The following SP100 variants were observed in gnomAD, a reference collection of about 807,000 sequenced individuals.
SP100 encodes nuclear autoantigen Sp-100.
Under a neutral mutation model 130.0 loss-of-function variants are expected in SP100, and 84 were observed. The observed-to-expected ratio is 0.65, with a 90% CI of 0.54 to 0.77. SP100 has a LOEUF of 0.77. Ranked by LOEUF, SP100 falls within the 30% of genes least tolerant of loss-of-function variation. The probability of loss-of-function intolerance (pLI) is 0.00; values close to 1 mark genes in which losing one functional copy is unlikely to be tolerated. For missense variants in SP100, 978 were observed against 1,052.2 expected, an observed-to-expected ratio of 0.93 and a Z score of 0.97; for synonymous variants, 331 against 351.7, an observed-to-expected ratio of 0.94 and a Z score of 0.66.
intron 2 of SP100, among the ~76,000 whole-genome samples, chr2:230,421,263 T>C (rs983399790): frequency 3.3e-5 from 5 of 152,162 alleles, no homozygotes; most frequent in African/African-American, 1.2e-4. Context: ...GTGAGGCACA[T>C]TGGGTAATTT....
At chr2:230,476,991 G>A (rs553959313) in intron 17 of SP100, among the ~76,000 whole-genome samples, 6 of 151,922 alleles carry the variant, frequency 3.9e-5, no homozygotes, top group East Asian at 1.9e-4. Flanking sequence ...TCAGCCTCCC[G>A]AGTAGCTAGG....
chr2:230,475,971 G>A (rs942041360), intron 17 of SP100, among the ~76,000 whole-genome samples: 5 of 152,204 alleles, frequency 3.3e-5, no homozygotes, highest in African/African-American at 9.6e-5. Flanking sequence ...TGGGCAACGC[G>A]ATGCCTCTAG....
chr2:230,529,788 GACAA>G (rs1184700890), intron 24 of SP100, among the ~76,000 whole-genome samples: 5 of 152,130 alleles, frequency 3.3e-5, no homozygotes, highest in African/African-American at 1.2e-4. Flanking sequence ...ACTAATAACA[GACAA>G]ACAGAGAGCC....
At chr2:230,497,123 A>G (rs2066715231) in intron 18 of SP100, among the ~76,000 whole-genome samples, 1 of 152,164 alleles carries the variant, frequency 6.6e-6, no homozygotes, top group Non-Finnish European at 1.5e-5. Context: ...GACAATTTGC[A>G]AAGAATAATT....
chr2:230,435,859 G>A lies in SP100; in HGVS notation c.108-7078G>A, dbSNP rs139470015. 1.8e-3 allele frequency among the ~76,000 whole-genome samples: 277 copies of A among 151,632 alleles called. 1 individual carries two copies. The highest frequency in any genetic ancestry group is 6.0e-3 in the African/African-American group (247 of 41,230). ...CAAAAACATGGAATCAACCTAAATC[G>A]CCATCAATTATAGACTAGAGAAAGA... is the stretch of plus-strand genomic sequence containing the variant. On this transcript the variant is annotated intron_variant, in intron 2 of 28. Transcript: ENST00000340126.
At chr2:230,507,945 A>G in intron 22 of SP100, 48 bp from the exon 23 acceptor site, 1 of 1,577,922 alleles carries the variant, frequency 6.3e-7, no homozygotes, top group Non-Finnish European at 8.7e-7. Flanking sequence ...TAAGCTCACA[A>G]AATAAAAGCA....
intron 24 of SP100, among the ~76,000 whole-genome samples, chr2:230,535,264 G>T (rs901618193): frequency 2.6e-5 from 4 of 152,026 alleles, no homozygotes; most frequent in Admixed American, 1.3e-4. Context: ...TTCATGAAAA[G>T]GACTTTTGAA....
chr2:230,443,869 C>T (rs547204168), intron 3 of SP100, among the ~76,000 whole-genome samples: 5 of 152,316 alleles, frequency 3.3e-5, no homozygotes, highest in South Asian at 4.1e-4. Flanking sequence ...TTGCCTGCTA[C>T]GTCTATCCTA....
chr2:230,421,532 C>G (rs2062770076), intron 2 of SP100, among the ~76,000 whole-genome samples: 3 of 143,674 alleles, frequency 2.1e-5, no homozygotes, highest in African/African-American at 7.9e-5. Flanking sequence ...TCCTACCTTA[C>G]TGGGATTCAA....
At chr2:230,448,680 G>A (rs2063824321) in intron 5 of SP100, among the ~76,000 whole-genome samples, 1 of 152,246 alleles carries the variant, frequency 6.6e-6, no homozygotes, top group Non-Finnish European at 1.5e-5. Flanking sequence ...CAATGAGAAA[G>A]CATGAACAGA....
intron 24 of SP100, among the ~76,000 whole-genome samples, chr2:230,528,864 A>C (rs59458990): frequency 0.022 from 3,327 of 152,264 alleles, 123 homozygotes; most frequent in African/African-American, 0.075. Context: ...TACACCCTCC[A>C]AAGACTAAAC....
At chr2:230,420,760 A>G (rs1194325800) in intron 2 of SP100, among the ~76,000 whole-genome samples, 1 of 152,162 alleles carries the variant, frequency 6.6e-6, no homozygotes, top group Non-Finnish European at 1.5e-5. Context: ...AGCTTAAAGT[A>G]TCAGTCAATA....
Position 230,449,618 on chromosome 2 carries a change from A to G in SP100, c.644A>G (p.Asn215Ser). The change falls in exon 7 of 29, where the codon AAT (asparagine) becomes AGT (serine). Residue 215 changes from asparagine to serine, a missense_variant. By Grantham distance (46) the Asn-to-Ser change is conservative. Coordinates refer to ENST00000340126, the MANE Select transcript of SP100 (RefSeq NM_001080391.2). ...SEHPCETEQI[N>S]AKRKDTTSDK... is the part of the protein sequence containing the mutation. ...CACCCCTGTGAAACAGAACAGATAA[A>G]TGCAAAGAGAAAAGATACAACCAGT... 1 of 1,614,184 alleles carries G rather than the reference A, an allele frequency of 6.2e-7. No homozygotes were observed. Among genetic ancestry groups the G allele is most frequent in the South Asian group, 1.1e-5 (1 of 91,078 alleles).
intron 24 of SP100, chr2:230,515,258 T>C: frequency 1.2e-6 from 2 of 1,612,664 alleles, no homozygotes; most frequent in Non-Finnish European, 1.7e-6. Context: ...AAAACCTATA[T>C]CCCTCCTAAA....
rs796889943 is a variant in SP100 at position 230,438,648 on chromosome 2, T to TACACAC, written c.108-4255_108-4250dup. Among the ~76,000 whole-genome samples, 125 of 127,448 alleles carry TACACAC rather than the reference T, an allele frequency of 9.8e-4. No individual in the cohort carries two copies. The Middle Eastern group carries it at 0.012, about 13-fold the overall frequency. 83.6% of individuals were successfully genotyped at this position (127,448 alleles called of 152,430 possible). ...AGTAGTACTCCATGGTGTATATATA[T>TACACAC]ACACACACACACACACACACACACA... On this transcript the variant is annotated intron_variant, in intron 2 of 28. Transcript: ENST00000340126.
intron 8 of SP100, among the ~76,000 whole-genome samples, chr2:230,455,118 A>G (rs1183436849): frequency 4.6e-5 from 7 of 152,006 alleles, no homozygotes; most frequent in Non-Finnish European, 8.8e-5. Context: ...TCTGTCACCC[A>G]GACTGGAGTG....
chr2:230,474,455 C>T lies in SP100; in HGVS notation c.1600+8C>T, dbSNP rs1207949905. 3 of 1,294,514 alleles carry T rather than the reference C, an allele frequency of 2.3e-6. No homozygotes were observed. The highest frequency in any genetic ancestry group is 1.1e-6 in the Non-Finnish European group (1 of 902,870). 80.2% of individuals were successfully genotyped at this position (1,294,514 alleles called of 1,614,324 possible). A position where few individuals can be genotyped will look rare whatever the true frequency, so the allele number is the denominator to read the frequency against. The stretch of plus-strand genomic sequence containing the variant: ...AACACAGTGGGAAAAGAAGTAAGAA[C>T]AAATAAGAATTTACTTAATTTTTAT... On this transcript the variant is annotated splice_region_variant and intron_variant, in intron 17 of 28. Transcript: ENST00000340126.
chr2:230,442,325 CAG>C (rs1055070013), intron 2 of SP100, among the ~76,000 whole-genome samples: 100 of 152,186 alleles, frequency 6.6e-4, no homozygotes, highest in African/African-American at 2.2e-3. Context: ...AGCAATAATA[CAG>C]AGAGATTGAT....
At chr2:230,501,601 C>CCTA (rs2067027969) in intron 19 of SP100, among the ~76,000 whole-genome samples, 1 of 152,116 alleles carries the variant, frequency 6.6e-6, no homozygotes, top group South Asian at 2.1e-4. Flanking sequence ...GCCTTTCCAG[C>CCTA]CTAATCTCGT....
Sources: allele counts gnomAD v4.1 joint callset (sites outside exome capture counted in the v4.1 genomes callset), GRCh38; gene constraint gnomAD v4.1.1; transcripts MANE v1.5; gene names NCBI Gene and HGNC (gene_info 2026-07-23, HGNC 2026-07-21).